UNK: variants seen among roughly 807,000 people sequenced by gnomAD.
UNK encodes RING finger protein unkempt homolog.
UNK carries 32 observed loss-of-function variants against 97.6 expected under a neutral mutation model. The ratio of observed to expected loss-of-function variants is 0.33; its 90% confidence interval spans 0.25 to 0.44. UNK has a LOEUF of 0.44. Among genes scored for constraint, UNK ranks in the 20% least tolerant of loss-of-function variants. UNK has a pLI of 1.00. For missense variants in UNK, 771 were observed against 1,098.4 expected, an observed-to-expected ratio of 0.70 and a Z score of 4.21; for synonymous variants, 441 against 461.2, an observed-to-expected ratio of 0.96 and a Z score of 0.56.
chr17:75,807,313 A>G (rs1334597360), intron 1 of UNK, among the ~76,000 whole-genome samples: 1 of 152,148 alleles, frequency 6.6e-6, no homozygotes, highest in Non-Finnish European at 1.5e-5. Flanking sequence ...CCTGAGGCTG[A>G]GAGTTTGAGG....
At position 75,817,671 on chromosome 17, in the gene UNK, G is replaced by A; in HGVS notation, c.1305+145G>A. The A allele has an allele frequency of 6.4e-6, 6 of 930,656 alleles. No homozygotes were observed. The highest frequency in any genetic ancestry group is 3.5e-4 in the Middle Eastern group (1 of 2,862). 57.6% of individuals were successfully genotyped at this position (930,656 alleles called of 1,614,324 possible). On this transcript the variant is annotated intron_variant, in intron 9 of 15. Coordinates refer to ENST00000589666, the MANE Select transcript of UNK (RefSeq NM_001080419.3). This position sits in a 1 kb window ranked among gnomAD's most constrained non-coding sequence, Gnocchi z 5.8. ...CTCGGCCTCTTCAGGACTGAACAGAGGGAGCAGTGTCAGCCCATTTGCAGC... is the reference window on the plus strand; with the variant it reads ...CTCGGCCTCTTCAGGACTGAACAGAAGGAGCAGTGTCAGCCCATTTGCAGC...
chr17:75,818,237 TCGGGGAG>T lies in UNK; in HGVS notation c.1371+70_1371+76del. On this transcript the variant is annotated intron_variant, in intron 10 of 15. Transcript: ENST00000589666. This position sits in a 1 kb window ranked among gnomAD's most constrained non-coding sequence, Gnocchi z 5.1. ...GAGTGGCCCAGAACCCCAGGAGGCT[TCGGGGAG>T]TGGGAGGCACCACTTTTCCCAAAAG... 6.4e-7 allele frequency: 1 copy of T among 1,562,904 alleles called. No homozygotes were observed. Among genetic ancestry groups the T allele is most frequent in the Non-Finnish European group, 8.8e-7 (1 of 1,141,792 alleles).
intron 1 of UNK, among the ~76,000 whole-genome samples, chr17:75,804,472 A>C (rs766499032): frequency 3.3e-5 from 5 of 151,902 alleles, no homozygotes; most frequent in Non-Finnish European, 7.4e-5. Context: ...AAAATAAAAA[A>C]TCCATTAATC....
intron 1 of UNK, among the ~76,000 whole-genome samples, chr17:75,800,123 C>T (rs754152524): frequency 8.5e-5 from 13 of 152,140 alleles, no homozygotes; most frequent in Non-Finnish European, 1.6e-4. Context: ...GGCTGGAGTG[C>T]AGTGGCACAA....
chr17:75,809,874 G>A lies in UNK; in HGVS notation c.219G>A (p.Arg73=). 2.5e-6 allele frequency: 4 copies of A among 1,613,888 alleles called. No homozygotes were observed. In the African/African-American group the frequency reaches 4.0e-5, roughly 16 times the overall value. The change falls in exon 2 of 16, where the codon CGG becomes CGA. Residue 73 remains arginine, a synonymous_variant. Coordinates refer to ENST00000589666, the MANE Select transcript of UNK (RefSeq NM_001080419.3). ...HWHFVNQRRR[R]SIRRRDGTFN... ...ACTTCGTGAACCAGCGGCGCCGCCG[G>A]TCCATCCGCCGTCGGGACGGCACCT...
intron 1 of UNK, among the ~76,000 whole-genome samples, chr17:75,806,457 C>T (rs1438802939): frequency 4.9e-5 from 7 of 141,592 alleles, no homozygotes; most frequent in South Asian, 4.4e-4. Flanking sequence ...AGGGAGACTC[C>T]GTCTCAAAAA....
At chr17:75,810,396 T>C (rs891816910) in intron 2 of UNK, among the ~76,000 whole-genome samples, 2 of 150,870 alleles carry the variant, frequency 1.3e-5, no homozygotes, top group African/African-American at 4.9e-5. Context: ...CACAGGGAGG[T>C]GCCACACCTG....
intron 2 of UNK, among the ~76,000 whole-genome samples, chr17:75,810,458 A>G (rs529700105): frequency 6.8e-6 from 1 of 148,106 alleles, no homozygotes; most frequent in African/African-American, 2.6e-5. Flanking sequence ...TGGGAGTGTC[A>G]CACTAATGAC....
intron 1 of UNK, among the ~76,000 whole-genome samples, chr17:75,797,093 GT>G (rs796433266): frequency 9.2e-5 from 14 of 152,166 alleles, no homozygotes; most frequent in African/African-American, 3.4e-4. Flanking sequence ...TTGGCTTTTT[GT>G]TTTTCCTTTC....
chr17:75,801,044 C>G (rs1186650280), intron 1 of UNK, among the ~76,000 whole-genome samples: 3 of 151,860 alleles, frequency 2.0e-5, no homozygotes, highest in Non-Finnish European at 2.9e-5. Context: ...GCTGGGACTA[C>G]AGGCGCCAGC....
At chr17:75,821,791 A>G (rs1294920407) in intron 13 of UNK, 6 of 452,014 alleles carry the variant, frequency 1.3e-5, no homozygotes, top group African/African-American at 8.0e-5. Context: ...GTTAGTAAAC[A>G]TCTGTTGAGC....
chr17:75,812,234 A>G lies in UNK; in HGVS notation c.437A>G (p.His146Arg). 6.2e-7 allele frequency: 1 copy of G among 1,613,986 alleles called. No individual in the cohort carries two copies. The highest frequency in any genetic ancestry group is 8.5e-7 in the Non-Finnish European group (1 of 1,179,862). ...SKGNCTKNGL[H>R]CAFAHGPHDL... ...GGCAACTGCACCAAAAACGGCCTGC[A>G]CTGCGCTTTTGCCCACGGGCCCCAT... Residue 146 changes from histidine to arginine, a missense_variant, in exon 3 of 16, where the codon CAC becomes CGC. His to Arg is a conservative substitution (Grantham distance 29, BLOSUM62 0). This residue lies in a region of UNK where 246 missense variants were observed against 440.7 expected (regional missense o/e 0.56). Transcript: ENST00000589666.
At chr17:75,790,705 T>C (rs141303379) in intron 1 of UNK, among the ~76,000 whole-genome samples, 559 of 150,384 alleles carry the variant, frequency 3.7e-3, no homozygotes, top group African/African-American at 0.013. Flanking sequence ...CCGAGGCGAG[T>C]GGATCACTTG....
chr17:75,801,649 C>T (rs551524873), intron 1 of UNK, among the ~76,000 whole-genome samples: 1 of 151,292 alleles, frequency 6.6e-6, no homozygotes, highest in Admixed American at 6.6e-5. Context: ...TGGGCTCAAG[C>T]GATTCTCCTG....
At chr17:75,803,218 G>A (rs72490455) in intron 1 of UNK, among the ~76,000 whole-genome samples, 5,141 of 137,522 alleles carry the variant, frequency 0.037, 307 homozygotes, top group East Asian at 0.32. Flanking sequence ...TCCCAACACG[G>A]TGAAACCCCG....
rs368125385 is a variant in UNK at position 75,784,874 on chromosome 17, C to G, written c.-7C>G. 5.0e-6 allele frequency: 8 copies of G among 1,600,528 alleles called. No individual in the cohort carries two copies. Among genetic ancestry groups the G allele is most frequent in the African/African-American group, 2.7e-5 (2 of 74,426 alleles). The stretch of plus-strand genomic sequence containing the variant: ...GGGGAGCGGCGAAGAGGCAGGAAGA[C>G]AAGACCATGTCGAAGGGCCCCGGGC... On this transcript the variant is annotated 5_prime_UTR_variant, in exon 1 of 16. Transcript: ENST00000589666.
intron 1 of UNK, among the ~76,000 whole-genome samples, chr17:75,796,451 T>C (rs2061806869): frequency 6.6e-6 from 1 of 152,110 alleles, no homozygotes; most frequent in Non-Finnish European, 1.5e-5. Flanking sequence ...CCTGAGTAGC[T>C]GGGACTGCAG....
In UNK at chr17:75,818,680, C is replaced by G. The variant is rs1450558792; in HGVS notation, c.1410C>G (p.Thr470=). Residue 470 remains threonine, a synonymous_variant, in exon 11 of 16, where the codon ACC becomes ACG. Transcript: ENST00000589666. The surrounding 1 kb of genome is among the most constrained non-coding windows in gnomAD (Gnocchi z 5.1). Reference sequence around the variant, plus strand: ...TCCTCCCCGCAGGCAGCCCCCTGACCTCAAGCATCTCTTCTAGTATCACCT... The same window carrying G: ...TCCTCCCCGCAGGCAGCCCCCTGACGTCAAGCATCTCTTCTAGTATCACCT... ...LGILPAGSPL[T]SSISSSITSS... 6.2e-7 allele frequency: 1 copy of G among 1,610,312 alleles called. No homozygotes were observed. Among genetic ancestry groups the G allele is most frequent in the Non-Finnish European group, 8.5e-7 (1 of 1,177,938 alleles).
intron 1 of UNK, chr17:75,792,218 A>G: frequency 1.1e-6 from 1 of 910,020 alleles, no homozygotes; most frequent in Non-Finnish European, 1.3e-6. Flanking sequence ...ATTACATTAA[A>G]TAGTGGACTG....
Sources: gnomAD v4.1 joint callset for allele counts (sites outside exome capture counted in the v4.1 genomes callset) on GRCh38, gnomAD v4.1.1 for gene constraint, gnomAD v4.1.1 regional missense constraint, Gnocchi (gnomAD v3.1) non-coding constraint, MANE v1.5 for transcripts, NCBI Gene and HGNC (gene_info 2026-07-23, HGNC 2026-07-21) for gene names.